Variants in VPS53 observed in about 807,000 individuals in gnomAD.
The protein encoded by VPS53 is VPS53 subunit of GARP complex, also known as vacuolar protein sorting-associated protein 53 homolog.
A neutral mutation model predicts 107.0 loss-of-function variants in VPS53; 70 were observed. The observed-to-expected ratio is 0.65, with a 90% CI of 0.54 to 0.80. VPS53 has a LOEUF of 0.80. Among genes scored for constraint, VPS53 ranks in the 30% least tolerant of loss-of-function variants. The pLI is 0.00. For missense variants in VPS53, 917 were observed against 1,049.4 expected (o/e 0.87, Z 1.74); for synonymous variants, 409 against 393.3 (o/e 1.04, Z -0.47).
intron 5 of VPS53, chr17:657,485 ATCCAGCATCCAATGCTTTG>A: frequency 6.8e-7 from 1 of 1,473,958 alleles, no homozygotes; most frequent in South Asian, 1.1e-5. Context: ...CGGTCAATTT[ATCCAGCATCCAATGCTTTG>A]GAGCTGCTAC....
chr17:638,782 T>C lies in VPS53; in HGVS notation c.609-7154A>G, dbSNP rs141668136. ...GGCTTATAGAGTTTCTGCCGAAAGA[T>C]CCGCTGTTAGTCTGATGGGCTTCCC... On this transcript the variant is annotated intron_variant, in intron 7 of 21. Transcript: ENST00000437048. Among the ~76,000 whole-genome samples the C allele has an allele frequency of 6.9e-3, 1,052 of 152,358 alleles. 17 individuals are homozygous for C. The highest frequency in any genetic ancestry group is 0.055 in the East Asian group (288 of 5,192).
chr17:636,704 TATG>T (rs1370059736), intron 7 of VPS53, among the ~76,000 whole-genome samples: 2 of 152,240 alleles, frequency 1.3e-5, no homozygotes, highest in Non-Finnish European at 2.9e-5. Flanking sequence ...GTTCTGTTTA[TATG>T]ATGAATTACA....
At chr17:662,813 G>GAAAGAGAAAGAAAA (rs1172042083) in intron 4 of VPS53, among the ~76,000 whole-genome samples, 6 of 146,622 alleles carry the variant, frequency 4.1e-5, no homozygotes, top group African/African-American at 1.5e-4. Flanking sequence ...AAGAAAAAAA[G>GAAAGAGAAAGAAAA]AAAGAAAGAG....
chr17:669,458 T>C (rs931361105), intron 4 of VPS53, among the ~76,000 whole-genome samples: 1 of 152,002 alleles, frequency 6.6e-6, no homozygotes, highest in African/African-American at 2.4e-5. Context: ...CTGTGTGTGC[T>C]AGTACATGCC....
At position 683,239 on chromosome 17, in the gene VPS53, C is replaced by T. The variant is rs75709022; in HGVS notation, c.285+14179G>A. 3.2e-3 allele frequency among the ~76,000 whole-genome samples: 487 copies of T among 152,050 alleles called. 3 individuals carry two copies. The highest frequency in any genetic ancestry group is 5.3e-3 in the Non-Finnish European group (360 of 67,998). On this transcript the variant is annotated intron_variant, in intron 4 of 21. Coordinates refer to ENST00000437048, the MANE Select transcript of VPS53 (RefSeq NM_001128159.3). ...ACAGAAACATTTGAAGAGATAATGG[C>T]TGAGAATTTTTTTTTAAGTGAAAGG... is the stretch of plus-strand genomic sequence containing the variant.
chr17:643,879 T>C (rs1020300771), intron 7 of VPS53, among the ~76,000 whole-genome samples: 2 of 152,252 alleles, frequency 1.3e-5, no homozygotes, highest in African/African-American at 4.8e-5. Flanking sequence ...CAGGAGGAAC[T>C]TGTCGAGGCC....
intron 4 of VPS53, among the ~76,000 whole-genome samples, chr17:678,827 G>C (rs371987193): frequency 3.3e-5 from 5 of 151,980 alleles, no homozygotes; most frequent in African/African-American, 1.2e-4. Context: ...TTTTAGTAGA[G>C]ACGGGGTTTC....
At chr17:656,708 G>A (rs1318701780) in intron 5 of VPS53, 4 of 402,474 alleles carry the variant, frequency 9.9e-6, no homozygotes, top group Non-Finnish European at 1.9e-5. Context: ...AAATGTGTGT[G>A]TGTGTGTGTG....
chr17:618,295 C>T (rs28848504), intron 11 of VPS53, among the ~76,000 whole-genome samples: 1 of 89,360 alleles, frequency 1.1e-5, no homozygotes, highest in Non-Finnish European at 2.6e-5. Context: ...GGACTACAGG[C>T]GTGCGCCACC....
intron 16 of VPS53, chr17:552,677 G>C (rs1402537596): frequency 6.2e-6 from 1 of 162,558 alleles, no homozygotes; most frequent in Non-Finnish European, 1.3e-5. Flanking sequence ...GGCCAAGGGA[G>C]AATGTCTTCT....
At chr17:580,298 T>G (rs573504570) in intron 13 of VPS53, among the ~76,000 whole-genome samples, 1 of 151,712 alleles carries the variant, frequency 6.6e-6, no homozygotes, top group Admixed American at 6.6e-5. Flanking sequence ...CAGAACCTAA[T>G]GCGTTCCCAG....
At chr17:561,038 A>G (rs182851489) in intron 14 of VPS53, among the ~76,000 whole-genome samples, 90 of 152,162 alleles carry the variant, frequency 5.9e-4, no homozygotes, top group Non-Finnish European at 5.7e-4. Context: ...GTGTTTGTGG[A>G]GGAGGACATA....
At chr17:576,428 A>G (rs534984534) in intron 13 of VPS53, among the ~76,000 whole-genome samples, 196 of 146,814 alleles carry the variant, frequency 1.3e-3, no homozygotes, top group African/African-American at 4.7e-3. Context: ...CAGAACCTCA[A>G]TGCATTCCCA....
At chr17:663,023 T>C (rs1361068366) in intron 4 of VPS53, among the ~76,000 whole-genome samples, 2 of 150,974 alleles carry the variant, frequency 1.3e-5, no homozygotes, top group Admixed American at 6.6e-5. Flanking sequence ...CTGGGGAACA[T>C]GGCAAGACTC....
intron 16 of VPS53, 176 bp downstream of exon 16, chr17:553,204 A>C (rs972966332): frequency 2.8e-5 from 12 of 432,970 alleles, no homozygotes; most frequent in Middle Eastern, 4.6e-4. Flanking sequence ...GCTGCTGTGT[A>C]GTGGAGAAAG....
chr17:669,219 A>C (rs1045697713), intron 4 of VPS53, among the ~76,000 whole-genome samples: 2 of 152,186 alleles, frequency 1.3e-5, no homozygotes, highest in Non-Finnish European at 2.9e-5. Flanking sequence ...AGAAACACAA[A>C]AATACCTTCA....
At chr17:673,359 T>C (rs1276104507) in intron 4 of VPS53, among the ~76,000 whole-genome samples, 1 of 152,114 alleles carries the variant, frequency 6.6e-6, no homozygotes, top group Admixed American at 6.6e-5. Context: ...GGAAACGAGG[T>C]ATCCCCAGCT....
chr17:641,148 G>T (rs118023840), intron 7 of VPS53, among the ~76,000 whole-genome samples: 1 of 152,104 alleles, frequency 6.6e-6, no homozygotes, highest in Non-Finnish European at 1.5e-5. Context: ...GAGTCACTGC[G>T]CCCAGCCTCT....
chr17:625,491 A>AG (rs1969663970), intron 10 of VPS53, among the ~76,000 whole-genome samples: 3 of 149,672 alleles, frequency 2.0e-5, no homozygotes, highest in Admixed American at 2.0e-4. Context: ...AAAAAAAAAA[A>AG]GCCACACAGA....
Sources: gnomAD v4.1 joint callset for allele counts (sites outside exome capture counted in the v4.1 genomes callset) on GRCh38, gnomAD v4.1.1 for gene constraint, MANE v1.5 for transcripts, NCBI Gene and HGNC (gene_info 2026-07-23, HGNC 2026-07-21) for gene names.